Variants in NECTIN3 observed in about 807,000 individuals in gnomAD.
NECTIN3 encodes the protein nectin-3.
Under a neutral mutation model 49.4 loss-of-function variants are expected in NECTIN3, and 8 were observed. The observed-to-expected ratio is 0.16, with a 90% confidence interval of 0.10 to 0.29. The LOEUF (loss-of-function observed/expected upper bound fraction) is 0.29, where lower values mean the gene tolerates loss of function less well. Among genes scored for constraint, NECTIN3 ranks in the 10% least tolerant of loss-of-function variants. NECTIN3 has a pLI of 1.00. For synonymous variants in NECTIN3, 277 were observed against 241.1 expected (o/e 1.15, Z -1.38); for missense variants, 581 against 654.6 (o/e 0.89, Z 1.23).
chr3:111,129,954 A>ATT (rs547491944), intron 5 of NECTIN3, among the ~76,000 whole-genome samples: 28 of 131,590 alleles, frequency 2.1e-4, no homozygotes, highest in African/African-American at 3.4e-4. Flanking sequence ...CCAGCAGAGA[A>ATT]TTTTTTTTTT....
upstream of NECTIN3, among the ~76,000 whole-genome samples, chr3:111,191,220 A>C (rs1238819243): frequency 6.6e-6 from 1 of 152,190 alleles, no homozygotes; most frequent in African/African-American, 2.4e-5. Context: ...TTTACCACTT[A>C]CCAGTTGTGT....
At chr3:111,114,640 CAGT>C (rs1237676077) in intron 2 of NECTIN3, among the ~76,000 whole-genome samples, 1 of 152,022 alleles carries the variant, frequency 6.6e-6, no homozygotes, top group Non-Finnish European at 1.5e-5. Context: ...AGTCAGTCCT[CAGT>C]GGTGTGAGTA....
chr3:111,169,805 A>C (rs2035400484), intron 7 of NECTIN3, among the ~76,000 whole-genome samples: 3 of 152,230 alleles, frequency 2.0e-5, no homozygotes, highest in Non-Finnish European at 4.4e-5. Flanking sequence ...CATACCAATC[A>C]GATGAATCCC....
At chr3:111,148,029 A>C (rs1238507169) in intron 7 of NECTIN3, among the ~76,000 whole-genome samples, 1 of 152,216 alleles carries the variant, frequency 6.6e-6, no homozygotes, top group East Asian at 1.9e-4. Context: ...GTAAACTATC[A>C]GAATATTTGA....
At chr3:111,099,033 A>G (rs973999099) in intron 1 of NECTIN3, among the ~76,000 whole-genome samples, 1 of 149,930 alleles carries the variant, frequency 6.7e-6, no homozygotes, top group African/African-American at 2.4e-5. Flanking sequence ...TCTGAGTTTT[A>G]TAAACTTTCC....
At chr3:111,129,615 GTTTCAGCAC>G (rs2034301632) in intron 5 of NECTIN3, among the ~76,000 whole-genome samples, 1 of 151,850 alleles carries the variant, frequency 6.6e-6, no homozygotes, top group Non-Finnish European at 1.5e-5. Flanking sequence ...AACAAAATCA[GTTTCAGCAC>G]TTTCGAAGAA....
chr3:111,106,919 C>T (rs950769412), intron 1 of NECTIN3, among the ~76,000 whole-genome samples: 4 of 151,918 alleles, frequency 2.6e-5, no homozygotes, highest in Non-Finnish European at 4.4e-5. Context: ...CATGCCATTA[C>T]TGTAGGCTGA....
In NECTIN3 at chr3:111,171,271, A is replaced by G. The variant is rs143015767; in HGVS notation, c.1222-21080A>G. 4.5e-3 allele frequency among the ~76,000 whole-genome samples: 680 copies of G among 152,296 alleles called. 5 individuals carry two copies. Among genetic ancestry groups the G allele is most frequent in the African/African-American group, 0.015 (627 of 41,562 alleles). Reference sequence around the variant, plus strand: ...ATGGGTTTCAAGTACTGAAAAGATCACTGGCCTACCAGTCAAGGAGCATGG... The same window carrying G: ...ATGGGTTTCAAGTACTGAAAAGATCGCTGGCCTACCAGTCAAGGAGCATGG... On this transcript the variant is annotated intron_variant, in intron 7 of 8. Coordinates refer to the NECTIN3 transcript ENST00000493615.
chr3:111,119,426 G>A (rs1382109797), intron 3 of NECTIN3, among the ~76,000 whole-genome samples: 3 of 152,172 alleles, frequency 2.0e-5, no homozygotes, highest in Non-Finnish European at 4.4e-5. Flanking sequence ...CCGCCTCCCG[G>A]GTTCAAGTGA....
intron 1 of NECTIN3, chr3:111,072,784 G>T: frequency 1.9e-6 from 1 of 522,658 alleles, no homozygotes; most frequent in South Asian, 2.2e-5. Flanking sequence ...CCTCCAGCTT[G>T]TGGGACGTCT....
At chr3:111,087,006 T>C (rs1189770094) in intron 1 of NECTIN3, among the ~76,000 whole-genome samples, 2 of 152,158 alleles carry the variant, frequency 1.3e-5, no homozygotes, top group Non-Finnish European at 2.9e-5. Context: ...CTTTTTGATG[T>C]TATTATAAAT....
chr3:111,139,995 GTTC>G (rs774713742), downstream of NECTIN3, among the ~76,000 whole-genome samples: 24 of 151,852 alleles, frequency 1.6e-4, no homozygotes, highest in Non-Finnish European at 2.7e-4. Context: ...ATGATTAAAT[GTTC>G]TTCATGCATT....
chr3:111,114,830 G>C (rs1191356426), intron 2 of NECTIN3, among the ~76,000 whole-genome samples: 1 of 152,012 alleles, frequency 6.6e-6, no homozygotes, highest in Non-Finnish European at 1.5e-5. Context: ...TGCAAATAGA[G>C]AATAGAGTAT....
In NECTIN3 at chr3:111,122,137, G is replaced by A. The variant is rs558761927; in HGVS notation, c.816G>A (p.Ser272=). The change falls in exon 4 of 6, where the codon TCG becomes TCA. Residue 272 remains serine, a synonymous_variant. Coordinates refer to ENST00000485303, the MANE Select transcript of NECTIN3 (RefSeq NM_015480.3). ...ILDIQYAPEV[S]VTGYDGNWFV... is the part of the protein sequence containing the mutation. ...ATTTTATAGATGCTCCTGAAGTTTC[G>A]GTAACAGGATATGATGGAAATTGGT... 3.7e-4 allele frequency: 600 copies of A among 1,610,920 alleles called. 8 individuals carry two copies. In the South Asian group the frequency reaches 5.6e-3, roughly 15 times the overall value.
At chr3:111,188,974 C>T (rs896899530), upstream of NECTIN3, among the ~76,000 whole-genome samples, 1 of 152,138 alleles carries the variant, frequency 6.6e-6, no homozygotes, top group Non-Finnish European at 1.5e-5. Flanking sequence ...TTGACTGTAC[C>T]CCTGCTTTCC....
rs1388475412 is a variant in NECTIN3 at position 111,180,908 on chromosome 3, G to A, written c.1222-11443G>A. On this transcript the variant is annotated intron_variant, in intron 7 of 8. Coordinates refer to the NECTIN3 transcript ENST00000493615. ...CCTACCCATGTTTCTCCAAAACGGA[G>A]TAATTATAATAAAATGACAAGTTAG... is the stretch of plus-strand genomic sequence containing the variant. 3.3e-5 allele frequency among the ~76,000 whole-genome samples: 5 copies of A among 152,118 alleles called. No individual in the cohort carries two copies. The East Asian group carries it at 9.6e-4, about 29-fold the overall frequency.
At chr3:111,114,174 G>A (rs576616477) in intron 2 of NECTIN3, among the ~76,000 whole-genome samples, 6 of 151,948 alleles carry the variant, frequency 3.9e-5, no homozygotes, top group Non-Finnish European at 7.4e-5. Flanking sequence ...TACTTTTCTC[G>A]CTTCATCTAT....
intron 5 of NECTIN3, among the ~76,000 whole-genome samples, chr3:111,127,465 CT>C (rs35153084): frequency 0.26 from 26,216 of 101,166 alleles, 5,338 homozygotes; most frequent in African/African-American, 0.63. Context: ...TGCAAACTTT[CT>C]TTTTTTTTTT....
At chr3:111,111,454 C>T (rs566867758) in intron 1 of NECTIN3, among the ~76,000 whole-genome samples, 1 of 152,238 alleles carries the variant, frequency 6.6e-6, no homozygotes, top group East Asian at 1.9e-4. Flanking sequence ...TAGGGACCCT[C>T]CAAAAGAAGA....
Sources: allele counts gnomAD v4.1 joint callset (sites outside exome capture counted in the v4.1 genomes callset), GRCh38; gene constraint gnomAD v4.1.1; transcripts MANE v1.5; gene names NCBI Gene and HGNC (gene_info 2026-07-23, HGNC 2026-07-21).